Variants in TG observed in about 807,000 individuals in gnomAD.
TG encodes the protein thyroglobulin.
TG carries 270 observed loss-of-function variants against 324.7 expected under a neutral mutation model. The ratio of observed to expected loss-of-function variants is 0.83; its 90% CI spans 0.75 to 0.92. The LOEUF is 0.92. TG is among the 40% of genes least tolerant of loss of function. The pLI is 0.00. For missense variants in TG, 3,591 were observed against 3,456.4 expected, an observed-to-expected ratio of 1.04 and a Z score of -0.98; for synonymous variants, 1,401 against 1,327.0, an observed-to-expected ratio of 1.06 and a Z score of -1.21.
intron 41 of TG, among the ~76,000 whole-genome samples, chr8:133,069,863 G>C (rs531899246): frequency 6.6e-6 from 1 of 151,746 alleles, no homozygotes; most frequent in Non-Finnish European, 1.5e-5. Flanking sequence ...TCAGCTGGGC[G>C]TGGTGGCAGG....
At chr8:133,132,049 T>C in intron 46 of TG, 103 bp downstream of exon 46, 1 of 1,539,978 alleles carries the variant, frequency 6.5e-7, no homozygotes, top group Non-Finnish European at 8.9e-7. Flanking sequence ...ACTCATCCTT[T>C]CCTCCGTAGA....
intron 44 of TG, 193 bp downstream of exon 44, chr8:133,113,796 C>T (rs1850470247): frequency 4.6e-6 from 3 of 647,378 alleles, no homozygotes; most frequent in Non-Finnish European, 5.2e-6. Context: ...GTAGGGTGGA[C>T]CCTGCTGCCA....
chr8:132,918,711 G>T (rs564310474), intron 20 of TG, among the ~76,000 whole-genome samples: 1 of 152,160 alleles, frequency 6.6e-6, no homozygotes, highest in Non-Finnish European at 1.5e-5. Flanking sequence ...CTGCTTGGCC[G>T]TCCTTAACCT....
At chr8:133,021,963 T>A in intron 39 of TG, 28 bp from the exon 40 acceptor site, 4 of 1,613,958 alleles carry the variant, frequency 2.5e-6, no homozygotes, top group Non-Finnish European at 2.5e-6. Context: ...CCCCACACTT[T>A]AGCCTCATGT....
In TG at chr8:133,060,004, C is replaced by T. The variant is rs533456347; in HGVS notation, c.7239+29981C>T. 1,843 of 1,265,908 alleles carry T rather than the reference C, an allele frequency of 1.5e-3. 22 individuals carry two copies. The highest frequency in any genetic ancestry group is 2.9e-4 in the Middle Eastern group (1 of 3,476). 78.4% of individuals were successfully genotyped at this position (1,265,908 alleles called of 1,614,324 possible). ...AATGAGCCCTTCGGTACCCATTGCCCCATTTAAGTAGTTACCGGCATCCAC... is the reference window on the plus strand; with the variant it reads ...AATGAGCCCTTCGGTACCCATTGCCTCATTTAAGTAGTTACCGGCATCCAC... On this transcript the variant is annotated intron_variant, in intron 41 of 47. Coordinates refer to ENST00000220616, the MANE Select transcript of TG (RefSeq NM_003235.5).
At chr8:132,923,127 T>C (rs1345610195) in intron 21 of TG, among the ~76,000 whole-genome samples, 2 of 151,800 alleles carry the variant, frequency 1.3e-5, no homozygotes, top group Non-Finnish European at 2.9e-5. Flanking sequence ...GTGTGAAGCA[T>C]GGGGTATGTG....
intron 41 of TG, chr8:133,060,377 T>C: frequency 6.5e-7 from 1 of 1,529,118 alleles, no homozygotes; most frequent in East Asian, 2.5e-5. Context: ...GCAGCTCAAG[T>C]TCTTTTATCA....
intron 41 of TG, among the ~76,000 whole-genome samples, chr8:133,062,072 G>A (rs1040803907): frequency 6.6e-6 from 1 of 152,174 alleles, no homozygotes; most frequent in Non-Finnish European, 1.5e-5. Context: ...ACCACAGAAG[G>A]GTTGGCTAGA....
At chr8:133,049,071 G>A (rs1342362144) in intron 41 of TG, 4 of 440,056 alleles carry the variant, frequency 9.1e-6, no homozygotes, top group Non-Finnish European at 1.8e-5. Flanking sequence ...AACTCCAGGA[G>A]GTGAAGCGAC....
chr8:133,043,035 C>T (rs1307686602), intron 41 of TG, among the ~76,000 whole-genome samples: 6 of 152,098 alleles, frequency 3.9e-5, no homozygotes, highest in Non-Finnish European at 7.4e-5. Context: ...ATAAAAGTGG[C>T]CATGTGGCTC....
chr8:132,956,146 G>A (rs1296617121), intron 27 of TG, among the ~76,000 whole-genome samples: 2 of 152,208 alleles, frequency 1.3e-5, no homozygotes, highest in African/African-American at 4.8e-5. Flanking sequence ...TTTGGGGAAT[G>A]GAGTAAAGGG....
chr8:132,907,657 A>C (rs1436563773), intron 17 of TG, among the ~76,000 whole-genome samples: 3 of 152,224 alleles, frequency 2.0e-5, no homozygotes, highest in Admixed American at 6.5e-5. Flanking sequence ...GATTTGAATA[A>C]ATAATGGCCT....
At chr8:132,972,853 G>A in intron 34 of TG, 112 bp downstream of exon 34, 6 of 1,391,584 alleles carry the variant, frequency 4.3e-6, no homozygotes, top group Non-Finnish European at 1.0e-6. Context: ...GACTCATTGG[G>A]TTCAAGCAAC....
chr8:132,947,091 A>T lies in TG; in HGVS notation c.5234-1685A>T, dbSNP rs529990639. Among the ~76,000 whole-genome samples, 21 of 152,134 alleles carry T rather than the reference A, an allele frequency of 1.4e-4. 1 individual carries two copies. In the East Asian group the frequency reaches 4.1e-3, roughly 29 times the overall value. On this transcript the variant is annotated intron_variant, in intron 26 of 47. Transcript: ENST00000220616. ...TTCCACAGCCGGCCCTCAAGCCTGC[A>T]CCTTGCTGAGGCTCTTGCTGCCTGC...
rs541790781 is a variant in TG at position 132,980,261 on chromosome 8, C to T, written c.6200-3089C>T. ...GAGTAGAAGATTGAAACTCTCAGTC[C>T]CCCTCCCCTATCTCCAAGAAGAAGA... On this transcript the variant is annotated intron_variant, in intron 34 of 47. Coordinates refer to ENST00000220616, the MANE Select transcript of TG (RefSeq NM_003235.5). 3.9e-5 allele frequency among the ~76,000 whole-genome samples: 6 copies of T among 152,094 alleles called. No individual in the cohort carries two copies. In the East Asian group the frequency reaches 1.2e-3, roughly 30 times the overall value.
At chr8:132,912,331 G>C (rs1294888509) in intron 19 of TG, among the ~76,000 whole-genome samples, 1 of 152,104 alleles carries the variant, frequency 6.6e-6, no homozygotes, top group Non-Finnish European at 1.5e-5. Flanking sequence ...GGTATGTTTG[G>C]AGCCGCAAAA....
chr8:133,108,667 G>T (rs1016848180), intron 43 of TG, among the ~76,000 whole-genome samples: 1 of 152,156 alleles, frequency 6.6e-6, no homozygotes, highest in African/African-American at 2.4e-5. Context: ...AACCCAAGAG[G>T]TTTGACTTTA....
chr8:132,910,381 C>T (rs925640648), intron 18 of TG, among the ~76,000 whole-genome samples: 1 of 152,188 alleles, frequency 6.6e-6, no homozygotes, highest in Non-Finnish European at 1.5e-5. Flanking sequence ...CCTCCAGTCA[C>T]TCTCTAGGCA....
intron 18 of TG, among the ~76,000 whole-genome samples, chr8:132,910,321 G>A (rs1819328970): frequency 6.6e-6 from 1 of 152,164 alleles, no homozygotes; most frequent in Admixed American, 6.5e-5. Context: ...CCAGGGCCAC[G>A]TCAACTCTGA....
Sources: allele counts gnomAD v4.1 joint callset (sites outside exome capture counted in the v4.1 genomes callset), GRCh38; gene constraint gnomAD v4.1.1; transcripts MANE v1.5; gene names NCBI Gene and HGNC (gene_info 2026-07-23, HGNC 2026-07-21).